TDRD12: variants seen among roughly 807,000 people sequenced by gnomAD.
TDRD12 encodes the protein putative ATP-dependent RNA helicase TDRD12.
In TDRD12, 158 loss-of-function variants were observed where a neutral mutation model predicts 133.5. That is an observed-to-expected ratio of 1.18 (90% CI 1.04 to 1.35). TDRD12 has a LOEUF of 1.35. Ranked by LOEUF, TDRD12 falls within the 40% of genes most tolerant of loss-of-function variation. The pLI, the probability that TDRD12 is intolerant of heterozygous loss-of-function variation, is 0.00. For missense variants in TDRD12, 1,443 were observed against 1,321.3 expected (o/e 1.09, Z -1.43); for synonymous variants, 460 against 477.9 (o/e 0.96, Z 0.49).
intron 26 of TDRD12, among the ~76,000 whole-genome samples, chr19:32,815,886 C>T (rs142331917): frequency 0.013 from 1,954 of 152,004 alleles, 16 homozygotes; most frequent in Non-Finnish European, 0.02. Flanking sequence ...CCCTGTTACT[C>T]GGGAGGCTGA....
At chr19:32,731,995 T>G in intron 2 of TDRD12, 112 bp downstream of exon 2, 1 of 1,117,790 alleles carries the variant, frequency 8.9e-7, no homozygotes, top group South Asian at 1.9e-5. Context: ...TTTCTTACAC[T>G]CAGTGCCTTG....
chr19:32,807,685 A>G, intron 22 of TDRD12, 37 bp downstream of exon 22: 1 of 1,374,998 alleles, frequency 7.3e-7, no homozygotes. Flanking sequence ...CCTCTGACGA[A>G]TGGTCATGTT....
chr19:32,773,159 A>G (rs1970484827), intron 9 of TDRD12, among the ~76,000 whole-genome samples: 1 of 152,224 alleles, frequency 6.6e-6, no homozygotes, highest in Non-Finnish European at 1.5e-5. Flanking sequence ...GTGAAGTGCA[A>G]GTCTAATCTG....
chr19:32,779,156 G>T (rs1325813198), intron 11 of TDRD12, among the ~76,000 whole-genome samples: 4 of 152,118 alleles, frequency 2.6e-5, no homozygotes, highest in Non-Finnish European at 5.9e-5. Context: ...AGGATGGCCA[G>T]TCAGAGACCC....
At chr19:32,811,556 G>A (rs762699285) in intron 24 of TDRD12, 136 bp downstream of exon 24, 9 of 818,402 alleles carry the variant, frequency 1.1e-5, no homozygotes, top group East Asian at 5.3e-5. Flanking sequence ...AGATCCCCAC[G>A]GTGTGTGAAC....
At chr19:32,798,506 G>A (rs1971295496) in intron 16 of TDRD12, 71 bp downstream of exon 16, 23 of 1,310,370 alleles carry the variant, frequency 1.8e-5, no homozygotes, top group Admixed American at 2.5e-5. Flanking sequence ...TGGCAGGAAG[G>A]AGGAAAAGTG....
intron 4 of TDRD12, among the ~76,000 whole-genome samples, chr19:32,747,660 A>G (rs936569759): frequency 1.3e-5 from 2 of 152,180 alleles, no homozygotes; most frequent in African/African-American, 2.4e-5. Flanking sequence ...TGACAGGGGT[A>G]AAATGGGAGC....
intron 11 of TDRD12, among the ~76,000 whole-genome samples, chr19:32,790,060 G>A (rs779075917): frequency 2.9e-4 from 44 of 151,956 alleles, no homozygotes; most frequent in Non-Finnish European, 4.7e-4. Flanking sequence ...AGGAAGGAGC[G>A]CAGTTTGCCA....
At chr19:32,807,596 A>G (rs1168199526) in exon 22 of TDRD12, 1 of 1,535,366 alleles carries the variant, frequency 6.5e-7, no homozygotes, top group East Asian at 2.4e-5. Context: ...CCAGAAACGG[A>G]CTTGCCCAGG....
intron 1 of TDRD12, among the ~76,000 whole-genome samples, chr19:32,731,498 T>G (rs1421395918): frequency 6.6e-6 from 1 of 152,162 alleles, no homozygotes; most frequent in African/African-American, 2.4e-5. Flanking sequence ...TATGGGAGAT[T>G]GAGGACATCC....
At chr19:32,744,517 A>AAAAAAAAAAAAAAAG (rs1969537804) in intron 4 of TDRD12, among the ~76,000 whole-genome samples, 1 of 149,466 alleles carries the variant, frequency 6.7e-6, no homozygotes, top group Non-Finnish European at 1.5e-5. Flanking sequence ...AAAAAAAAAA[A>AAAAAAAAAAAAAAAG]AAAAAAACAA....
intron 11 of TDRD12, among the ~76,000 whole-genome samples, chr19:32,789,118 C>G (rs973664244): frequency 2.0e-5 from 3 of 152,136 alleles, no homozygotes; most frequent in Non-Finnish European, 2.9e-5. Flanking sequence ...GAGGTTCCCC[C>G]CTCTGCCACA....
chr19:32,802,250 GAT>G (rs1971420268), intron 19 of TDRD12, among the ~76,000 whole-genome samples: 1 of 146,644 alleles, frequency 6.8e-6, no homozygotes, highest in Non-Finnish European at 1.5e-5. Context: ...TGATATATAT[GAT>G]AGTGATCATA....
intron 1 of TDRD12, among the ~76,000 whole-genome samples, chr19:32,722,364 A>G (rs1048662333): frequency 6.6e-6 from 1 of 151,902 alleles, no homozygotes; most frequent in Non-Finnish European, 1.5e-5. Flanking sequence ...GAACTCTTTC[A>G]TTTACCTGCT....
intron 6 of TDRD12, among the ~76,000 whole-genome samples, chr19:32,750,748 A>G (rs1015841322): frequency 1.3e-5 from 2 of 151,980 alleles, no homozygotes; most frequent in Non-Finnish European, 2.9e-5. Flanking sequence ...CTCTCATGGC[A>G]TTGACTGCTT....
At chr19:32,772,953 A>T (rs1226152766) in intron 9 of TDRD12, 103 bp downstream of exon 9, 3 of 604,754 alleles carry the variant, frequency 5.0e-6, no homozygotes, top group African/African-American at 1.9e-5. Flanking sequence ...GTTTTCTATT[A>T]AAAAATCATT....
intron 1 of TDRD12, among the ~76,000 whole-genome samples, chr19:32,728,672 T>C (rs1481936882): frequency 7.2e-6 from 1 of 139,452 alleles, no homozygotes; most frequent in African/African-American, 2.7e-5. Flanking sequence ...TGTGACAGAG[T>C]CTCACTCTTG....
chr19:32,797,593 G>A lies in TDRD12; in HGVS notation c.1474-142G>A, dbSNP rs969670215. 85 of 496,430 alleles carry A rather than the reference G, an allele frequency of 1.7e-4. 1 individual carries two copies. The highest frequency in any genetic ancestry group is 1.6e-4 in the Non-Finnish European group (44 of 282,314). The allele number at this position is 496,430 out of a possible 1,614,324, so 30.8% of individuals were successfully genotyped here. A position where few individuals can be genotyped will look rare whatever the true frequency, so the allele number is the denominator to read the frequency against. On this transcript the variant is annotated intron_variant, in intron 14 of 27. Coordinates refer to ENST00000444215, the Ensembl canonical transcript of TDRD12. ...AAATCTGTTTTAATGAAATTATATC[G>A]TCACTTTTCTGACCTGTATGATGAT...
intron 10 of TDRD12, among the ~76,000 whole-genome samples, chr19:32,775,828 T>G (rs984179137): frequency 1.3e-5 from 2 of 152,200 alleles, no homozygotes; most frequent in Non-Finnish European, 2.9e-5. Context: ...GATCTGGTTT[T>G]CCTGGGCCCG....
Sources: gnomAD v4.1 joint callset for allele counts (sites outside exome capture counted in the v4.1 genomes callset) on GRCh38, gnomAD v4.1.1 for gene constraint, MANE v1.5 for transcripts, NCBI Gene and HGNC (gene_info 2026-07-23, HGNC 2026-07-21) for gene names.